LUZP2: variants seen among roughly 807,000 people sequenced by gnomAD.
LUZP2 encodes leucine zipper protein 2.
In LUZP2, 52 loss-of-function variants were observed where a neutral mutation model predicts 51.6. That is an observed-to-expected ratio of 1.01 (90% CI 0.81 to 1.27). The LOEUF (loss-of-function observed/expected upper bound fraction) is 1.27, where lower values mean the gene tolerates loss of function less well. LUZP2 is among the 50% of genes most tolerant of loss of function. LUZP2 has a pLI of 0.00. For missense variants in LUZP2, 436 were observed against 395.4 expected (o/e 1.10, Z -0.87); for synonymous variants, 154 against 137.3 (o/e 1.12, Z -0.85).
intron 1 of LUZP2, among the ~76,000 whole-genome samples, chr11:24,703,783 C>T (rs1857486949): frequency 6.6e-6 from 1 of 151,706 alleles, no homozygotes; most frequent in Non-Finnish European, 1.5e-5. Flanking sequence ...GAGCCGAGAT[C>T]ATGCCTTTGC....
intron 5 of LUZP2, among the ~76,000 whole-genome samples, chr11:24,793,731 G>T (rs1289346928): frequency 1.3e-5 from 2 of 152,090 alleles, no homozygotes; most frequent in African/African-American, 4.8e-5. Flanking sequence ...GTCTGTAAGA[G>T]ACTAGTAATT....
At chr11:24,640,379 A>T (rs1389141073) in intron 1 of LUZP2, among the ~76,000 whole-genome samples, 1 of 151,872 alleles carries the variant, frequency 6.6e-6, no homozygotes, top group East Asian at 1.9e-4. Context: ...GGAAGCTGTG[A>T]ATTTATATAA....
chr11:24,735,471 A>G (rs1281772951), intron 3 of LUZP2, among the ~76,000 whole-genome samples: 1 of 151,914 alleles, frequency 6.6e-6, no homozygotes, highest in Non-Finnish European at 1.5e-5. Flanking sequence ...GTTGGTTGGT[A>G]GATTCCCAGA....
At chr11:24,530,626 T>C (rs2133823051) in intron 1 of LUZP2, among the ~76,000 whole-genome samples, 1 of 150,954 alleles carries the variant, frequency 6.6e-6, no homozygotes, top group East Asian at 1.9e-4. Flanking sequence ...GTATGGCTTG[T>C]CTCACTTTCA....
chr11:24,963,227 T>G (rs1392693118), intron 7 of LUZP2, among the ~76,000 whole-genome samples: 2 of 152,208 alleles, frequency 1.3e-5, no homozygotes, highest in South Asian at 2.1e-4. Flanking sequence ...CGGACCCACT[T>G]GAGGAGGCAG....
Position 24,821,235 on chromosome 11 carries a change from C to T in LUZP2, c.396+57927C>T, listed in dbSNP as rs76767536. Among the ~76,000 whole-genome samples the T allele has an allele frequency of 7.3e-3, 1,115 of 152,192 alleles. 9 individuals carry two copies. The highest frequency in any genetic ancestry group is 0.025 in the African/African-American group (1,055 of 41,546). ...CTAGTTTAATTGTCCTATTAATTAG[C>T]ATTTTTCTGATATGTTGTACCCACA... On this transcript the variant is annotated intron_variant, in intron 5 of 11. Coordinates refer to ENST00000336930, the MANE Select transcript of LUZP2 (RefSeq NM_001009909.4).
chr11:24,613,676 A>T (rs1415985420), intron 1 of LUZP2, among the ~76,000 whole-genome samples: 1 of 152,042 alleles, frequency 6.6e-6, no homozygotes, highest in African/African-American at 2.4e-5. Flanking sequence ...AGAAAATGTG[A>T]TGATGAACAA....
chr11:24,793,017 G>A (rs927625760), intron 5 of LUZP2, among the ~76,000 whole-genome samples: 1 of 152,202 alleles, frequency 6.6e-6, no homozygotes, highest in Non-Finnish European at 1.5e-5. Context: ...CATAACTGGT[G>A]AATTTCTGTT....
intron 7 of LUZP2, among the ~76,000 whole-genome samples, chr11:24,971,521 C>A (rs184781038): frequency 2.6e-5 from 4 of 152,162 alleles, no homozygotes; most frequent in African/African-American, 9.6e-5. Flanking sequence ...TGAAAAACTA[C>A]CTACTGGGTA....
chr11:24,822,291 A>T (rs1174190530), intron 5 of LUZP2, among the ~76,000 whole-genome samples: 1 of 152,128 alleles, frequency 6.6e-6, no homozygotes, highest in East Asian at 1.9e-4. Context: ...CCTGAGCTGA[A>T]TGGATCCTAA....
chr11:24,711,342 G>C (rs531693091), intron 1 of LUZP2, among the ~76,000 whole-genome samples: 3 of 152,038 alleles, frequency 2.0e-5, no homozygotes, highest in South Asian at 2.1e-4. Flanking sequence ...CCCAGCTGCT[G>C]GGGAGGCTGA....
At chr11:24,900,884 A>T (rs1423239307) in intron 5 of LUZP2, among the ~76,000 whole-genome samples, 1 of 152,158 alleles carries the variant, frequency 6.6e-6, no homozygotes, top group African/African-American at 2.4e-5. Context: ...AAACTGTTAA[A>T]TTTAATTTGT....
At chr11:25,008,053 C>T (rs190778785) in intron 9 of LUZP2, among the ~76,000 whole-genome samples, 18 of 152,304 alleles carry the variant, frequency 1.2e-4, no homozygotes, top group East Asian at 3.9e-4. Flanking sequence ...AGGATCCTTT[C>T]GGTGCCACTT....
chr11:24,680,986 T>A (rs1417752289), intron 1 of LUZP2, among the ~76,000 whole-genome samples: 2 of 150,386 alleles, frequency 1.3e-5, no homozygotes, highest in Non-Finnish European at 3.0e-5. Context: ...TTTTTTTTTT[T>A]TTTTTTGAGA....
At chr11:24,746,875 T>C (rs915708870) in intron 4 of LUZP2, among the ~76,000 whole-genome samples, 3 of 152,220 alleles carry the variant, frequency 2.0e-5, no homozygotes, top group African/African-American at 7.2e-5. Context: ...TGCATTTCTA[T>C]AAGTATGTCC....
At chr11:24,913,034 A>C (rs1853686978) in intron 6 of LUZP2, among the ~76,000 whole-genome samples, 1 of 152,194 alleles carries the variant, frequency 6.6e-6, no homozygotes, top group African/African-American at 2.4e-5. Flanking sequence ...GCTGCTTTTA[A>C]AATTTAATTT....
intron 9 of LUZP2, among the ~76,000 whole-genome samples, chr11:25,005,545 T>G (rs1856809087): frequency 6.6e-6 from 1 of 152,104 alleles, no homozygotes; most frequent in Non-Finnish European, 1.5e-5. Flanking sequence ...TCCCAATGAC[T>G]TAGGATGCAT....
chr11:24,503,906 C>G (rs901360016), intron 1 of LUZP2, among the ~76,000 whole-genome samples: 1 of 151,444 alleles, frequency 6.6e-6, no homozygotes, highest in African/African-American at 2.4e-5. Context: ...CACATGTAAT[C>G]ATCATAGAAC....
chr11:24,896,534 G>A (rs1853061918), intron 5 of LUZP2, among the ~76,000 whole-genome samples: 1 of 152,176 alleles, frequency 6.6e-6, no homozygotes, highest in Admixed American at 6.5e-5. Context: ...CCAGGGGGCA[G>A]GGCTCAGGAC....
Sources: allele counts gnomAD v4.1 joint callset (sites outside exome capture counted in the v4.1 genomes callset), GRCh38; gene constraint gnomAD v4.1.1; transcripts MANE v1.5; gene names NCBI Gene and HGNC (gene_info 2026-07-23, HGNC 2026-07-21).